Variants in UNC119B observed in about 807,000 individuals in gnomAD.
UNC119B encodes the protein unc-119 lipid binding chaperone B.
A neutral mutation model predicts 23.4 loss-of-function variants in UNC119B; 16 were observed. That is an observed-to-expected ratio of 0.68 (90% CI 0.46 to 1.04). UNC119B has a LOEUF of 1.04. Among genes scored for constraint, UNC119B ranks in the 50% least tolerant of loss-of-function variants. The pLI is 0.00. For missense variants in UNC119B, 350 were observed against 361.3 expected, an observed-to-expected ratio of 0.97 and a Z score of 0.25; for synonymous variants, 144 against 145.4, an observed-to-expected ratio of 0.99 and a Z score of 0.07.
chr12:120,720,080 C>T lies in UNC119B; in HGVS notation c.*48C>T. ...AGGTGCTTTGCCGCGGCCACAAGAT[C>T]CTGGCACACGGAGATGATCGAAGCT... On this transcript the variant is annotated 3_prime_UTR_variant, in exon 5 of 5. Transcript: ENST00000344651. The T allele has an allele frequency of 7.2e-7, 1 of 1,383,480 alleles. No homozygotes were observed. The highest frequency in any genetic ancestry group is 1.0e-6 in the Non-Finnish European group (1 of 973,990). The allele number at this position is 1,383,480 out of a possible 1,614,324, so 85.7% of individuals were successfully genotyped here. A position where few individuals can be genotyped will look rare whatever the true frequency, so the allele number is the denominator to read the frequency against.
chr12:120,717,176 C>T, intron 4 of UNC119B, 134 bp downstream of exon 4: 3 of 853,728 alleles, frequency 3.5e-6, no homozygotes, highest in South Asian at 4.9e-5. Context: ...GTCATTTGAC[C>T]TCAGGCTTCT....
At chr12:120,714,916 G>A (rs1187282851) in intron 2 of UNC119B, among the ~76,000 whole-genome samples, 2 of 152,092 alleles carry the variant, frequency 1.3e-5, no homozygotes, top group Non-Finnish European at 2.9e-5. Context: ...GGCTGGGTGC[G>A]GTGGATCACA....
chr12:120,716,488 A>G (rs1882781869), intron 2 of UNC119B, 140 bp from the exon 3 acceptor site: 4 of 850,772 alleles, frequency 4.7e-6, no homozygotes, highest in Admixed American at 3.5e-5. Context: ...CTATATAGCA[A>G]GTGCGCAGTA....
intron 4 of UNC119B, 122 bp downstream of exon 4, chr12:120,717,164 T>A: frequency 1.0e-6 from 1 of 975,924 alleles, no homozygotes; most frequent in Non-Finnish European, 1.5e-6. Context: ...GATGCGTATC[T>A]AGTCATTTGA....
rs891782779 is a variant in UNC119B at position 120,720,212 on chromosome 12, C to T, written c.*180C>T. Reference sequence around the variant, plus strand: ...CCAAACAGTGCTGTGTTTTCTTCCCCAGTATTTTTTCTTCCCTTTTTTTCC... The same window carrying T: ...CCAAACAGTGCTGTGTTTTCTTCCCTAGTATTTTTTCTTCCCTTTTTTTCC... On this transcript the variant is annotated 3_prime_UTR_variant, in exon 5 of 5. Transcript: ENST00000344651. 3.8e-5 allele frequency: 22 copies of T among 576,592 alleles called. No individual in the cohort carries two copies. The highest frequency in any genetic ancestry group is 1.3e-4 in the Admixed American group (4 of 30,226). 35.7% of individuals were successfully genotyped at this position (576,592 alleles called of 1,614,324 possible). A position where few individuals can be genotyped will look rare whatever the true frequency, so the allele number is the denominator to read the frequency against.
chr12:120,717,133 G>A (rs1425256378), intron 4 of UNC119B, 91 bp downstream of exon 4: 1 of 1,334,694 alleles, frequency 7.5e-7, no homozygotes, highest in Non-Finnish European at 1.0e-6. Flanking sequence ...CCCTGGCATT[G>A]TCTCGTGGCA....
chr12:120,718,627 C>G (rs1435217090), intron 4 of UNC119B, among the ~76,000 whole-genome samples: 1 of 152,186 alleles, frequency 6.6e-6, no homozygotes, highest in East Asian at 1.9e-4. Flanking sequence ...AGAGAAAGAA[C>G]AGCCCTTGTC....
chr12:120,715,801 G>T (rs147809662), intron 2 of UNC119B, among the ~76,000 whole-genome samples: 2 of 152,114 alleles, frequency 1.3e-5, no homozygotes, highest in Non-Finnish European at 2.9e-5. Flanking sequence ...CAAAAGTGCT[G>T]GGATTACAGG....
rs1280883516 is a variant in UNC119B at position 120,721,274 on chromosome 12, CAAA to C, written c.*1246_*1248del. 1 of 152,156 alleles carries C rather than the reference CAAA, an allele frequency of 6.6e-6. No individual in the cohort carries two copies. The highest frequency in any genetic ancestry group is 2.4e-5 in the African/African-American group (1 of 41,432). 9.4% of individuals were successfully genotyped at this position (152,156 alleles called of 1,614,324 possible). On this transcript the variant is annotated 3_prime_UTR_variant, in exon 5 of 5. Coordinates refer to ENST00000344651, the MANE Select transcript of UNC119B (RefSeq NM_001080533.3). ...GTGGCCTGTCAGAGTGATGTGTTCT[CAAA>C]AAAGTTCACTTGCACATCTGTGGGC... is the stretch of plus-strand genomic sequence containing the variant.
intron 2 of UNC119B, among the ~76,000 whole-genome samples, chr12:120,715,785 G>A (rs1338327783): frequency 3.3e-5 from 5 of 151,940 alleles, no homozygotes; most frequent in Admixed American, 6.6e-5. Flanking sequence ...CGCCTACCTC[G>A]GCCTCCAAAA....
At chr12:120,716,827 G>T (rs769183498) in intron 3 of UNC119B, 43 bp from the exon 4 acceptor site, 1 of 1,605,964 alleles carries the variant, frequency 6.2e-7, no homozygotes. Context: ...GGCTTTAGAG[G>T]AGGGAGGAGG....
rs766147522 is a variant in UNC119B at position 120,716,682 on chromosome 12, G to A, written c.413G>A (p.Arg138His). The change falls in exon 3 of 5, where the codon CGT becomes CAT. Residue 138 changes from arginine (R) to histidine (H), a missense_variant. Arg to His is a conservative substitution (Grantham distance 29). Transcript: ENST00000344651. ...GGGDVDISAGRFVRYQFTPAF... is the reference protein window; with the variant it reads ...GGGDVDISAGHFVRYQFTPAF... ...GGAGACGTGGACATCAGCGCAGGAC[G>A]TTTTGTCCGCTATCAGTTCACACCG... 1 of 1,614,076 alleles carries A rather than the reference G, an allele frequency of 6.2e-7. No homozygotes were observed. Among genetic ancestry groups the A allele is most frequent in the Non-Finnish European group, 8.5e-7 (1 of 1,180,032 alleles).
chr12:120,716,152 A>T (rs763077784), intron 2 of UNC119B, among the ~76,000 whole-genome samples: 6 of 152,250 alleles, frequency 3.9e-5, no homozygotes, highest in Non-Finnish European at 7.3e-5. Flanking sequence ...GGTTGGTGCT[A>T]GCGCTTCAAC....
Position 120,716,502 on chromosome 12 carries a change from A to G in UNC119B, c.359-126A>G, listed in dbSNP as rs1038289477. 25 of 973,568 alleles carry G rather than the reference A, an allele frequency of 2.6e-5. No homozygotes were observed. The African/African-American group carries it at 3.7e-4, about 14-fold the overall frequency. 60.3% of individuals were successfully genotyped at this position (973,568 alleles called of 1,614,324 possible). A position where few individuals can be genotyped will look rare whatever the true frequency, so the allele number is the denominator to read the frequency against. On this transcript the variant is annotated intron_variant, in intron 2 of 4. Transcript: ENST00000344651. ...GCTATATAGCAAGTGCGCAGTAAAC[A>G]CTGGCCATTCTTCTTGTTGGTGTGG...
chr12:120,711,751 C>G (rs1332339650), intron 1 of UNC119B: 1 of 152,256 alleles, frequency 6.6e-6, no homozygotes, highest in Non-Finnish European at 1.5e-5. Flanking sequence ...TTCAGGTGCA[C>G]CTCAGGTTGC....
At chr12:120,713,678 G>T (rs534877651) in intron 2 of UNC119B, among the ~76,000 whole-genome samples, 1 of 152,312 alleles carries the variant, frequency 6.6e-6, no homozygotes, top group South Asian at 2.1e-4. Flanking sequence ...GTTTTACAGC[G>T]AAGGATCTGA....
At chr12:120,718,512 G>A (rs55814383) in intron 4 of UNC119B, among the ~76,000 whole-genome samples, 5,240 of 152,314 alleles carry the variant, frequency 0.034, 120 homozygotes, top group Admixed American at 0.065. Flanking sequence ...GAGTGAGAAG[G>A]TGGAAATACT....
intron 2 of UNC119B, among the ~76,000 whole-genome samples, 165 bp downstream of exon 2, chr12:120,713,552 G>A (rs1476344360): frequency 6.6e-6 from 1 of 152,334 alleles, no homozygotes; most frequent in Non-Finnish European, 1.5e-5. Flanking sequence ...TTGAAGCTGC[G>A]TTCAGAGGCT....
Position 120,719,964 on chromosome 12 carries a change from T to C in UNC119B, c.688T>C (p.Phe230Leu). 6.2e-7 allele frequency: 1 copy of C among 1,614,218 alleles called. No individual in the cohort carries two copies. Among genetic ancestry groups the C allele is most frequent in the East Asian group, 2.2e-5 (1 of 44,884 alleles). The change falls in exon 5 of 5, where the codon TTC becomes CTC. Residue 230 changes from phenylalanine (F) to leucine (L), a missense_variant. Coordinates refer to ENST00000344651, the MANE Select transcript of UNC119B (RefSeq NM_001080533.3). The stretch of plus-strand genomic sequence containing the variant: ...TCCTTACGAGACCCGCTCTGACAGC[T>C]TCTACTTTGTTGACAACAAGCTGAT... Reference protein sequence around the residue: ...ENPYETRSDSFYFVDNKLIMH... With the variant: ...ENPYETRSDSLYFVDNKLIMH...
Sources: gnomAD v4.1 joint callset for allele counts (sites outside exome capture counted in the v4.1 genomes callset) on GRCh38, gnomAD v4.1.1 for gene constraint, MANE v1.5 for transcripts, NCBI Gene and HGNC (gene_info 2026-07-23, HGNC 2026-07-21) for gene names.